Variants in SLX4 observed in about 807,000 individuals in gnomAD.
SLX4 encodes structure-specific endonuclease subunit SLX4.
In SLX4, 112 loss-of-function variants were observed where a neutral mutation model predicts 146.2. That is an observed-to-expected ratio of 0.77 (90% confidence interval 0.66 to 0.90). The LOEUF (loss-of-function observed/expected upper bound fraction) is 0.90. SLX4 is among the 40% of genes least tolerant of loss of function. SLX4 has a pLI of 0.00. For missense variants in SLX4, 2,563 were observed against 2,392.7 expected (o/e 1.07, Z -1.49); for synonymous variants, 1,061 against 997.7 (o/e 1.06, Z -1.20).
chr16:3,595,497 C>T, intron 9 of SLX4, 108 bp downstream of exon 9: 1 of 1,236,598 alleles, frequency 8.1e-7, no homozygotes, highest in Non-Finnish European at 1.2e-6. Context: ...CTTGAGAGGC[C>T]ACTGCACTTG....
intron 12 of SLX4, among the ~76,000 whole-genome samples, chr16:3,585,585 C>CAAAAA (rs35181087): frequency 1.1e-5 from 1 of 90,038 alleles, no homozygotes. Flanking sequence ...GACTCTGTCT[C>CAAAAA]AAAAAAAAAA....
Position 3,608,701 on chromosome 16 carries a change from G to C in SLX4, c.264C>G (p.Ser88Arg), listed in dbSNP as rs1567178289. Reference sequence around the variant, plus strand: ...CAGTTTGTTTGGTCCTTTTCAATTTGCTTCTTATCTGAGTGCCGTTTGAGG... The same window carrying C: ...CAGTTTGTTTGGTCCTTTTCAATTTCCTTCTTATCTGAGTGCCGTTTGAGG... ...KAASNGTQIR[S>R]KLKRTKQTAT... Residue 88 changes from serine (S) to arginine (R), a missense_variant, in exon 2 of 15, where the codon AGC becomes AGG. Physicochemically the swap from Ser to Arg is moderately radical, Grantham distance 110. Transcript: ENST00000294008. 1 of 1,614,190 alleles carries C rather than the reference G, an allele frequency of 6.2e-7. No individual in the cohort carries two copies. The highest frequency in any genetic ancestry group is 1.1e-5 in the South Asian group (1 of 91,084).
At chr16:3,601,978 A>AT in intron 4 of SLX4, 140 bp downstream of exon 4, 1 of 930,716 alleles carries the variant, frequency 1.1e-6, no homozygotes, top group Non-Finnish European at 1.7e-6. Flanking sequence ...CAACGAAGTT[A>AT]TTTTTAAAAA....
rs189190392 is a variant in SLX4, at chr16:3,595,528, C to A, written c.2013+77G>T. Reference sequence around the variant, plus strand: ...ACTTGCGTTGGGGGCCAGAGGCCAGCGGTGAGCCAACCCCACCACACACAT... The same window carrying A: ...ACTTGCGTTGGGGGCCAGAGGCCAGAGGTGAGCCAACCCCACCACACACAT... On this transcript the variant is annotated intron_variant, in intron 9 of 14. Transcript: ENST00000294008. 4 of 1,518,716 alleles carry A rather than the reference C, an allele frequency of 2.6e-6. No homozygotes were observed. In the African/African-American group the frequency reaches 5.5e-5, roughly 21 times the overall value. 94.1% of individuals were successfully genotyped at this position (1,518,716 alleles called of 1,614,324 possible).
At position 3,589,324 on chromosome 16, in the gene SLX4, A is replaced by G. The variant is rs977339567; in HGVS notation, c.4314T>C (p.Ile1438=). The G allele has an allele frequency of 4.4e-6, 7 of 1,579,188 alleles. No individual in the cohort carries two copies. The highest frequency in any genetic ancestry group is 1.2e-5 in the South Asian group (1 of 85,750). Residue 1438 remains isoleucine, a synonymous_variant, in exon 12 of 15, where the codon ATT becomes ATC. Coordinates refer to ENST00000294008, the MANE Select transcript of SLX4 (RefSeq NM_032444.4). The surrounding 1 kb of genome is among the most constrained non-coding windows in gnomAD (Gnocchi z 6.2). Reference sequence around the variant, plus strand: ...CGGTCCGCTCCAGGTTCCAGTGGTCAATGGGAATTGGCGAGAGGGGCTCCA... The same window carrying G: ...CGGTCCGCTCCAGGTTCCAGTGGTCGATGGGAATTGGCGAGAGGGGCTCCA... The part of the protein sequence containing the change: ...WHMEPLSPIP[I]DHWNLERTGP...
intron 10 of SLX4, 114 bp downstream of exon 10, chr16:3,594,339 G>A: frequency 2.8e-6 from 4 of 1,407,368 alleles, no homozygotes; most frequent in Non-Finnish European, 3.9e-6. Context: ...AGGAAGTGAG[G>A]GAGAGTGGGG....
intron 12 of SLX4, 70 bp from the exon 13 acceptor site, chr16:3,584,941 C>T (rs748068796): frequency 1.3e-4 from 144 of 1,116,378 alleles, no homozygotes; most frequent in Admixed American, 2.5e-4. Flanking sequence ...ATCCCAGTAG[C>T]GTGACCAAGA....
At chr16:3,610,965 T>G (rs1486433813) in intron 1 of SLX4, among the ~76,000 whole-genome samples, 1 of 152,204 alleles carries the variant, frequency 6.6e-6, no homozygotes, top group Non-Finnish European at 1.5e-5. Context: ...AAATTCCACC[T>G]CCACAACTGT....
rs2040606499 is a variant in SLX4 at position 3,592,716 on chromosome 16, C to T, written c.2310G>A (p.Leu770=). The T allele has an allele frequency of 2.5e-6, 4 of 1,613,134 alleles. No individual in the cohort carries two copies. The highest frequency in any genetic ancestry group is 1.7e-5 in the Admixed American group (1 of 59,970). The part of the protein sequence containing the change: ...TGLPPGLSSE[L]SSLAHRFGVS... ...ATCCAGACCTGTGGGCCAGGGAGCT[C>T]AGCTCAGAGCTAAGGCCAGGAGGAA... The change falls in exon 11 of 15, where the codon CTG becomes CTA. Residue 770 remains leucine, a synonymous_variant. Transcript: ENST00000294008.
At chr16:3,588,223 C>A (rs1324849806) in intron 12 of SLX4, among the ~76,000 whole-genome samples, 2 of 152,244 alleles carry the variant, frequency 1.3e-5, no homozygotes, top group Non-Finnish European at 2.9e-5. Flanking sequence ...ATCCCATAAG[C>A]AGTCACTCCC....
chr16:3,600,044 T>A (rs2040709030), intron 5 of SLX4, among the ~76,000 whole-genome samples: 1 of 152,178 alleles, frequency 6.6e-6, no homozygotes, highest in Non-Finnish European at 1.5e-5. Flanking sequence ...CCAACCTTTT[T>A]GGTACCAGGA....
chr16:3,592,833 G>A lies in SLX4; in HGVS notation c.2193C>T (p.Asp731=), dbSNP rs551541558. 31 of 1,612,166 alleles carry A rather than the reference G, an allele frequency of 1.9e-5. No homozygotes were observed. Among genetic ancestry groups the A allele is most frequent in the African/African-American group, 5.3e-5 (4 of 74,976 alleles). ...GCAGGACACGCTGGGTCAGAACCCC[G>A]TCCTCTACAGCGGAGAAGCCTTCAT... The part of the protein sequence containing the change: ...VNNEGFSAVE[D]GVLTQRVLLG... Residue 731 remains aspartate, a synonymous_variant, in exon 11 of 15, where the codon GAC becomes GAT. Transcript: ENST00000294008.
chr16:3,597,994 C>A lies in SLX4; in HGVS notation c.1169G>T (p.Ser390Ile), dbSNP rs775559576. Reference sequence around the variant, plus strand: ...CCGTTTCAGACCTCTACTGTGATCACTGAAGCTAGAAAACAGCCAAAGAGA... The same window carrying A: ...CCGTTTCAGACCTCTACTGTGATCAATGAAGCTAGAAAACAGCCAAAGAGA... ...GSSSPPMFSF[S>I]DHSRGLKRRG... The change falls in exon 6 of 15, where the codon AGT (serine) becomes ATT (isoleucine). Residue 390 changes from serine (S) to isoleucine (I), a missense_variant. Coordinates refer to ENST00000294008, the MANE Select transcript of SLX4 (RefSeq NM_032444.4). The surrounding 1 kb of genome is among the most constrained non-coding windows in gnomAD (Gnocchi z 4.4). The A allele has an allele frequency of 1.1e-5, 18 of 1,614,062 alleles. No individual in the cohort carries two copies. In the Admixed American group the frequency reaches 2.2e-4, roughly 19 times the overall value.
In SLX4 at chr16:3,582,412, G is replaced by A. The variant is rs1312542823; in HGVS notation, c.5435C>T (p.Ala1812Val). Residue 1812 changes from alanine (A) to valine (V), a missense_variant, in exon 15 of 15, where the codon GCC becomes GTC. Coordinates refer to ENST00000294008, the MANE Select transcript of SLX4 (RefSeq NM_032444.4). ...GCCCTGGAGCTTCTCCCTGCGGGTG[G>A]CGGCAGTGGTGAAGGTGATACAGTG... ...DTHCITFTTA[A>V]TRREKLQGRR... 4 of 1,613,896 alleles carry A rather than the reference G, an allele frequency of 2.5e-6. No homozygotes were observed. Among genetic ancestry groups the A allele is most frequent in the African/African-American group, 1.3e-5 (1 of 75,074 alleles).
At position 3,590,579 on chromosome 16, in the gene SLX4, TGAG is replaced by T; in HGVS notation, c.3056_3058del (p.Ser1019_His1020delinsTyr). On this transcript the variant is annotated inframe_deletion, in exon 12 of 15. Coordinates refer to ENST00000294008, the MANE Select transcript of SLX4 (RefSeq NM_032444.4). The surrounding 1 kb of genome is among the most constrained non-coding windows in gnomAD (Gnocchi z 4.8). The stretch of plus-strand genomic sequence containing the variant: ...AGATGCCTGCCAGGGAGCCAGGCGA[TGAG>T]AAACCTCCAGCCCCCTTTCCCTGAC... 6.2e-7 allele frequency: 1 copy of T among 1,612,934 alleles called. No homozygotes were observed. The highest frequency in any genetic ancestry group is 8.5e-7 in the Non-Finnish European group (1 of 1,178,930).
chr16:3,594,227 C>T lies in SLX4; in HGVS notation c.2160+226G>A, dbSNP rs189208323. The stretch of plus-strand genomic sequence containing the variant: ...TGATGTTTCCCAGTTGTGAGGCCAT[C>T]CCCTCACACCCACTCCTAACCTCAA... On this transcript the variant is annotated intron_variant, in intron 10 of 14. Transcript: ENST00000294008. Among the ~76,000 whole-genome samples the T allele has an allele frequency of 1.9e-3, 289 of 152,242 alleles. 1 individual carries two copies. Among genetic ancestry groups the T allele is most frequent in the Middle Eastern group, 3.4e-3 (1 of 294 alleles).
intron 1 of SLX4, among the ~76,000 whole-genome samples, 192 bp downstream of exon 1, chr16:3,611,368 C>T (rs1001242696): frequency 6.6e-6 from 1 of 152,262 alleles, no homozygotes; most frequent in Non-Finnish European, 1.5e-5. Flanking sequence ...TCCAGGCGGG[C>T]CCCGGCCCCT....
Position 3,602,605 on chromosome 16 carries a change from T to C in SLX4, c.761-298A>G, listed in dbSNP as rs79331723. ...TGCAGCCTGAGACTCTCCGCATTTCTAGCAGCCTCCAGGCTTGGCGATGCT... is the reference window on the plus strand; with the variant it reads ...TGCAGCCTGAGACTCTCCGCATTTCCAGCAGCCTCCAGGCTTGGCGATGCT... On this transcript the variant is annotated intron_variant, in intron 3 of 14. Coordinates refer to ENST00000294008, the MANE Select transcript of SLX4 (RefSeq NM_032444.4). Among the ~76,000 whole-genome samples, 9,626 of 152,280 alleles carry C rather than the reference T, an allele frequency of 0.063. 322 individuals are homozygous for C. The highest frequency in any genetic ancestry group is 0.074 in the Admixed American group (1,125 of 15,296).
rs901255332 is a variant in SLX4 at position 3,609,486 on chromosome 16, A to C, written c.-522T>G. On this transcript the variant is annotated 5_prime_UTR_variant, in exon 2 of 15. It adds an upstream start codon to the 5' untranslated region. Transcript: ENST00000294008. ...TGTCCAATAGATGCCTCTGAGATCG[A>C]ATACATATGAACCTGGTGCTCAGAT... is the stretch of plus-strand genomic sequence containing the variant. 2 of 158,684 alleles carry C rather than the reference A, an allele frequency of 1.3e-5. No individual in the cohort carries two copies. Among genetic ancestry groups the C allele is most frequent in the Admixed American group, 1.2e-4 (2 of 16,830 alleles). 9.8% of individuals were successfully genotyped at this position (158,684 alleles called of 1,614,324 possible). A position where few individuals can be genotyped will look rare whatever the true frequency, so the allele number is the denominator to read the frequency against.
Sources: allele counts gnomAD v4.1 joint callset (sites outside exome capture counted in the v4.1 genomes callset), GRCh38; gene constraint gnomAD v4.1.1; non-coding constraint Gnocchi (gnomAD v3.1); transcripts MANE v1.5; gene names NCBI Gene and HGNC (gene_info 2026-07-23, HGNC 2026-07-21).